The following PCBP3 variants were observed in gnomAD, a reference collection of about 807,000 sequenced individuals.
PCBP3 encodes the protein poly(rC)-binding protein 3.
A neutral mutation model predicts 52.7 loss-of-function variants in PCBP3; 25 were observed. That is an observed-to-expected ratio of 0.47 (90% CI 0.35 to 0.66). PCBP3 has a LOEUF of 0.66. Among genes scored for constraint, PCBP3 ranks in the 30% least tolerant of loss-of-function variants. The pLI, the probability that PCBP3 is intolerant of heterozygous loss-of-function variation, is 0.01. For missense variants in PCBP3, 391 were observed against 490.3 expected, an observed-to-expected ratio of 0.80 and a Z score of 1.91; for synonymous variants, 162 against 183.0, an observed-to-expected ratio of 0.89 and a Z score of 0.93.
chr21:45,743,726 C>T (rs1169721435), intron 3 of PCBP3, among the ~76,000 whole-genome samples: 1 of 152,050 alleles, frequency 6.6e-6, no homozygotes, highest in African/African-American at 2.4e-5. Flanking sequence ...TTAGGGTTAT[C>T]GTGAGGGTTA....
chr21:45,926,645 C>G (rs1409162062), intron 13 of PCBP3, among the ~76,000 whole-genome samples: 1 of 152,142 alleles, frequency 6.6e-6, no homozygotes, highest in Non-Finnish European at 1.5e-5. Context: ...AGGGCAGATG[C>G]TCCACACAGT....
intron 3 of PCBP3, among the ~76,000 whole-genome samples, chr21:45,753,272 G>A (rs1309585913): frequency 6.6e-6 from 1 of 151,512 alleles, no homozygotes; most frequent in African/African-American, 2.4e-5. Flanking sequence ...CTGCTCTTAG[G>A]TCTACGTAAG....
intron 4 of PCBP3, among the ~76,000 whole-genome samples, chr21:45,768,223 T>C (rs1446228498): frequency 1.3e-5 from 2 of 152,246 alleles, no homozygotes; most frequent in African/African-American, 4.8e-5. Context: ...TAGCCCTGCG[T>C]GGGCCTTTGC....
chr21:45,667,921 T>C (rs2080912120), intron 1 of PCBP3, among the ~76,000 whole-genome samples: 1 of 152,240 alleles, frequency 6.6e-6, no homozygotes. Context: ...TTCTTTGTCA[T>C]GTATCTTCAC....
intron 4 of PCBP3, among the ~76,000 whole-genome samples, chr21:45,813,473 C>T (rs1261031160): frequency 1.3e-5 from 2 of 152,050 alleles, no homozygotes; most frequent in African/African-American, 4.8e-5. Context: ...ATGGAGTCTC[C>T]CTCTGTTGCC....
Position 45,704,730 on chromosome 21 carries a change from G to T in PCBP3, c.-199-30662G>T, listed in dbSNP as rs1311740788. Among the ~76,000 whole-genome samples, 1 of 152,220 alleles carries T rather than the reference G, an allele frequency of 6.6e-6. No individual in the cohort carries two copies. Among genetic ancestry groups the T allele is most frequent in the Admixed American group, 6.5e-5 (1 of 15,280 alleles). On this transcript the variant is annotated intron_variant, in intron 2 of 17. Transcript: ENST00000681687. The surrounding 1 kb of genome is among the most constrained non-coding windows in gnomAD (Gnocchi z 4.1). Reference sequence around the variant, plus strand: ...TAGCTTCCTGACCTCTGGAAGAACAGAAGTTGCTGCTGGCAGAGTTCCAAA... The same window carrying T: ...TAGCTTCCTGACCTCTGGAAGAACATAAGTTGCTGCTGGCAGAGTTCCAAA...
At chr21:45,702,141 A>G (rs2083165843) in intron 2 of PCBP3, among the ~76,000 whole-genome samples, 1 of 152,240 alleles carries the variant, frequency 6.6e-6, no homozygotes, top group Admixed American at 6.5e-5. Context: ...GACAGGTGGT[A>G]GTTTCTTAAA....
chr21:45,819,480 G>A (rs1172902437), intron 4 of PCBP3, among the ~76,000 whole-genome samples: 1 of 152,228 alleles, frequency 6.6e-6, no homozygotes, highest in African/African-American at 2.4e-5. Context: ...GCGGATGCAG[G>A]TGCAGAGACC....
chr21:45,691,732 C>G (rs892100873), intron 2 of PCBP3, among the ~76,000 whole-genome samples: 2 of 151,976 alleles, frequency 1.3e-5, no homozygotes, highest in Non-Finnish European at 2.9e-5. Flanking sequence ...GCCAGTAATT[C>G]CAAACATTGC....
chr21:45,675,021 T>C (rs2081380960), intron 2 of PCBP3, among the ~76,000 whole-genome samples: 1 of 152,214 alleles, frequency 6.6e-6, no homozygotes, highest in African/African-American at 2.4e-5. Context: ...CCTGAGCTGA[T>C]AGGGATGCCC....
chr21:45,857,344 A>G (rs936248813), intron 5 of PCBP3, among the ~76,000 whole-genome samples: 1 of 152,214 alleles, frequency 6.6e-6, no homozygotes, highest in Non-Finnish European at 1.5e-5. Flanking sequence ...TATGGTTTGT[A>G]GAGCATGACT....
intron 4 of PCBP3, among the ~76,000 whole-genome samples, chr21:45,846,730 C>T (rs1465424387): frequency 1.3e-5 from 2 of 152,216 alleles, no homozygotes; most frequent in East Asian, 1.9e-4. Context: ...ACTGGGTCCT[C>T]CGGCATCAAG....
At chr21:45,824,994 T>C (rs780488700) in intron 4 of PCBP3, among the ~76,000 whole-genome samples, 20 of 152,216 alleles carry the variant, frequency 1.3e-4, no homozygotes, top group African/African-American at 2.4e-5. Context: ...TGAGAAAACA[T>C]TGACAAGCCT....
intron 2 of PCBP3, among the ~76,000 whole-genome samples, chr21:45,703,803 G>A (rs2083278688): frequency 1.3e-5 from 2 of 152,072 alleles, no homozygotes; most frequent in South Asian, 4.1e-4. Flanking sequence ...CATCTCCTGG[G>A]GCTTGCTCAT....
At position 45,837,804 on chromosome 21, in the gene PCBP3, G is replaced by T. The variant is rs1208333082; in HGVS notation, c.-125-12157G>T. Among the ~76,000 whole-genome samples the T allele has an allele frequency of 1.3e-5, 2 of 152,218 alleles. No homozygotes were observed. Among genetic ancestry groups the T allele is most frequent in the Non-Finnish European group, 2.9e-5 (2 of 68,038 alleles). On this transcript the variant is annotated intron_variant, in intron 4 of 17. Coordinates refer to ENST00000681687, the MANE Select transcript of PCBP3 (RefSeq NM_001384156.1). The surrounding 1 kb of genome is among the most constrained non-coding windows in gnomAD (Gnocchi z 4.1). ...CTCCTTCACTGGTGCTGAGACTGAG[G>T]ATTGAGCTTAGGGGGTCAGCCTGAT...
chr21:45,664,329 A>G lies in PCBP3; in HGVS notation c.-278-4545A>G, dbSNP rs1435849155. Among the ~76,000 whole-genome samples, 6 of 146,448 alleles carry G rather than the reference A, an allele frequency of 4.1e-5. No homozygotes were observed. In the Admixed American group the frequency reaches 4.1e-4, roughly 10 times the overall value. On this transcript the variant is annotated intron_variant, in intron 1 of 17. Coordinates refer to ENST00000681687, the MANE Select transcript of PCBP3 (RefSeq NM_001384156.1). ...TTAATGTGATGAAAGAAAATAAACT[A>G]TCAACCTAGAACTCCATATTTAACA... is the stretch of plus-strand genomic sequence containing the variant.
chr21:45,671,952 C>T (rs564664178), intron 2 of PCBP3, among the ~76,000 whole-genome samples: 193 of 152,192 alleles, frequency 1.3e-3, no homozygotes, highest in African/African-American at 4.6e-3. Flanking sequence ...TTTCTCTGTC[C>T]CTCCATCTGG....
chr21:45,908,894 C>T (rs2096271444), intron 9 of PCBP3, among the ~76,000 whole-genome samples: 1 of 152,160 alleles, frequency 6.6e-6, no homozygotes, highest in Non-Finnish European at 1.5e-5. Context: ...CTAGGCCAGA[C>T]ACCAGGAGCC....
chr21:45,794,025 G>T (rs1244008614), intron 4 of PCBP3, among the ~76,000 whole-genome samples: 3 of 152,146 alleles, frequency 2.0e-5, no homozygotes, highest in Admixed American at 6.5e-5. Context: ...ATCACTGTTG[G>T]TGTATATTGG....
Sources: allele counts gnomAD v4.1 joint callset (sites outside exome capture counted in the v4.1 genomes callset), GRCh38; gene constraint gnomAD v4.1.1; non-coding constraint Gnocchi (gnomAD v3.1); transcripts MANE v1.5; gene names NCBI Gene and HGNC (gene_info 2026-07-23, HGNC 2026-07-21).